The following ELP2 variants were observed in gnomAD, a reference collection of about 807,000 sequenced individuals.
The protein encoded by ELP2 is elongator complex protein 2.
A neutral mutation model predicts 119.2 loss-of-function variants in ELP2; 90 were observed. The ratio of observed to expected loss-of-function variants is 0.75; its 90% CI spans 0.64 to 0.90. ELP2 has a LOEUF of 0.90. Among genes scored for constraint, ELP2 ranks in the 40% least tolerant of loss-of-function variants. The pLI is 0.00. For synonymous variants in ELP2, 339 were observed against 331.0 expected (o/e 1.02, Z -0.26); for missense variants, 921 against 967.8 (o/e 0.95, Z 0.64).
chr18:36,166,547 G>T (rs2090914690), intron 18 of ELP2, among the ~76,000 whole-genome samples: 1 of 151,686 alleles, frequency 6.6e-6, no homozygotes, highest in South Asian at 2.1e-4. Context: ...GGGCAGGCTG[G>T]TCTTGAACTC....
chr18:36,132,237 A>G (rs1461082428), intron 1 of ELP2, among the ~76,000 whole-genome samples: 4 of 152,208 alleles, frequency 2.6e-5, no homozygotes, highest in African/African-American at 9.7e-5. Flanking sequence ...AAATGCTAAA[A>G]TAAAGTTTTG....
chr18:36,144,083 T>C (rs750636966), intron 8 of ELP2, among the ~76,000 whole-genome samples: 2 of 152,186 alleles, frequency 1.3e-5, no homozygotes, highest in African/African-American at 4.8e-5. Context: ...GTGAACATTG[T>C]TCACCTAGGT....
In ELP2 at chr18:36,175,367, G is replaced by A. The variant is rs1377934569; in HGVS notation, c.*726G>A. On this transcript the variant is annotated 3_prime_UTR_variant, in exon 22 of 22. Coordinates refer to ENST00000358232, the MANE Select transcript of ELP2 (RefSeq NM_018255.4). ...CTATAGATAGCATACCACGCCAAGT[G>A]TGCTCTGTCTTGATCCCCTTCTTTC... 1 of 152,192 alleles carries A rather than the reference G, an allele frequency of 6.6e-6. No homozygotes were observed. Among genetic ancestry groups the A allele is most frequent in the Admixed American group, 6.5e-5 (1 of 15,276 alleles). The allele number at this position is 152,192 out of a possible 1,614,324, so 9.4% of individuals were successfully genotyped here.
chr18:36,159,336 C>T (rs1018087318), intron 14 of ELP2, among the ~76,000 whole-genome samples: 14 of 152,296 alleles, frequency 9.2e-5, no homozygotes, highest in Admixed American at 5.2e-4. Flanking sequence ...TGGTCTGGAA[C>T]TCCTGACCTC....
chr18:36,150,824 G>A (rs1195761937), intron 11 of ELP2, among the ~76,000 whole-genome samples: 10 of 152,128 alleles, frequency 6.6e-5, no homozygotes. Flanking sequence ...ATACAATCAG[G>A]TAAAAGAGAT....
chr18:36,148,049 C>T (rs1598771415), intron 11 of ELP2, among the ~76,000 whole-genome samples: 2 of 151,046 alleles, frequency 1.3e-5, no homozygotes, highest in South Asian at 4.2e-4. Flanking sequence ...AGCTTCATGA[C>T]GTCAGCATTT....
intron 20 of ELP2, 119 bp downstream of exon 20, chr18:36,170,315 T>C (rs867695110): frequency 8.2e-6 from 11 of 1,342,844 alleles, no homozygotes; most frequent in South Asian, 1.3e-5. Context: ...TTTTTTCTTT[T>C]TTTTTTTTTG....
intron 11 of ELP2, 25 bp from the exon 12 acceptor site, chr18:36,154,825 T>C (rs368556893): frequency 1.2e-5 from 19 of 1,613,678 alleles, no homozygotes; most frequent in Middle Eastern, 1.7e-4. Flanking sequence ...TATTTTGATA[T>C]GTGATATGAG....
At chr18:36,144,582 A>G (rs1910057978) in intron 8 of ELP2, among the ~76,000 whole-genome samples, 1 of 152,198 alleles carries the variant, frequency 6.6e-6, no homozygotes, top group South Asian at 2.1e-4. Flanking sequence ...TTAGGCTATT[A>G]TATTCTTATA....
At chr18:36,156,086 G>C (rs947099463) in intron 12 of ELP2, among the ~76,000 whole-genome samples, 1 of 152,196 alleles carries the variant, frequency 6.6e-6, no homozygotes, top group Non-Finnish European at 1.5e-5. Flanking sequence ...GAACTGCTAT[G>C]TGGTAGAGAA....
intron 13 of ELP2, among the ~76,000 whole-genome samples, chr18:36,157,156 A>G (rs1300969264): frequency 6.6e-6 from 1 of 152,174 alleles, no homozygotes; most frequent in Non-Finnish European, 1.5e-5. Flanking sequence ...TGGGTTTTGT[A>G]AGGGTAACTT....
chr18:36,166,200 A>AG (rs1013061750), intron 18 of ELP2, among the ~76,000 whole-genome samples: 2 of 151,608 alleles, frequency 1.3e-5, no homozygotes. Flanking sequence ...CCCCCTGCAA[A>AG]AAAAAATTGT....
rs2091297126 is a variant in ELP2, at chr18:36,179,803, T to C, written c.*5162T>C. 6.6e-6 allele frequency: 1 copy of C among 152,208 alleles called. No homozygotes were observed. Among genetic ancestry groups the C allele is most frequent in the South Asian group, 2.1e-4 (1 of 4,830 alleles). 9.4% of individuals were successfully genotyped at this position (152,208 alleles called of 1,614,324 possible). On this transcript the variant is annotated 3_prime_UTR_variant, in exon 22 of 22. Coordinates refer to ENST00000358232, the MANE Select transcript of ELP2 (RefSeq NM_018255.4). ...TGACATTTTCCCCTCTTATCTTTTC[T>C]CCTGACCAAGTTCTAGGTATTTCAT...
At chr18:36,150,983 G>C (rs529870090) in intron 11 of ELP2, among the ~76,000 whole-genome samples, 87 of 151,956 alleles carry the variant, frequency 5.7e-4, no homozygotes, top group African/African-American at 2.0e-3. Context: ...TGCTGCCAAG[G>C]GTTGAGCCAA....
Position 36,140,868 on chromosome 18 carries a change from A to C in ELP2, c.524-269A>C, listed in dbSNP as rs527365518. On this transcript the variant is annotated intron_variant, in intron 5 of 21. Coordinates refer to ENST00000358232, the MANE Select transcript of ELP2 (RefSeq NM_018255.4). Reference sequence around the variant, plus strand: ...CTAGTTGCTCTTGAGCTTATTTTTCACTTCTATCATAAATGTCATAGAATG... The same window carrying C: ...CTAGTTGCTCTTGAGCTTATTTTTCCCTTCTATCATAAATGTCATAGAATG... Among the ~76,000 whole-genome samples the C allele has an allele frequency of 1.2e-3, 186 of 152,248 alleles. 2 individuals carry two copies. The highest frequency in any genetic ancestry group is 4.3e-3 in the African/African-American group (180 of 41,556).
chr18:36,172,643 T>C (rs2091115133), intron 21 of ELP2, among the ~76,000 whole-genome samples: 1 of 152,196 alleles, frequency 6.6e-6, no homozygotes, highest in Non-Finnish European at 1.5e-5. Context: ...GCTTCAGGCA[T>C]TTGAAATTTT....
chr18:36,143,305 AG>A (rs1486625632), intron 8 of ELP2, among the ~76,000 whole-genome samples: 3 of 151,914 alleles, frequency 2.0e-5, no homozygotes, highest in African/African-American at 7.2e-5. Flanking sequence ...TATTTTTAGT[AG>A]AAATGGGGTT....
chr18:36,177,344 A>G lies in ELP2; in HGVS notation c.*2703A>G, dbSNP rs939082827. On this transcript the variant is annotated 3_prime_UTR_variant, in exon 22 of 22. Transcript: ENST00000358232. Reference sequence around the variant, plus strand: ...CAGCCTCTAAAAGGAAGATACGCTGACATGTGCTGCAACATGGATGAATCT... The same window carrying G: ...CAGCCTCTAAAAGGAAGATACGCTGGCATGTGCTGCAACATGGATGAATCT... The G allele has an allele frequency of 6.6e-6, 1 of 152,248 alleles. No individual in the cohort carries two copies. Among genetic ancestry groups the G allele is most frequent in the African/African-American group, 2.4e-5 (1 of 41,464 alleles). 9.4% of individuals were successfully genotyped at this position (152,248 alleles called of 1,614,324 possible).
rs2091182268 is a variant in ELP2, at chr18:36,174,698, A to C, written c.*57A>C. The C allele has an allele frequency of 2.6e-6, 4 of 1,560,674 alleles. No individual in the cohort carries two copies. Among genetic ancestry groups the C allele is most frequent in the Non-Finnish European group, 2.6e-6 (3 of 1,134,074 alleles). On this transcript the variant is annotated 3_prime_UTR_variant, in exon 22 of 22. Coordinates refer to ENST00000358232, the MANE Select transcript of ELP2 (RefSeq NM_018255.4). ...GGTATCTTAAAATATTATCATGTAA[A>C]CAGGTCATCTTTACCTTCATAACTG...
Sources: gnomAD v4.1 joint callset for allele counts (sites outside exome capture counted in the v4.1 genomes callset) on GRCh38, gnomAD v4.1.1 for gene constraint, MANE v1.5 for transcripts, NCBI Gene and HGNC (gene_info 2026-07-23, HGNC 2026-07-21) for gene names.